The following MRTFA variants were observed in gnomAD, a reference collection of about 807,000 sequenced individuals.
MRTFA encodes the protein myocardin related transcription factor A.
Under a neutral mutation model 83.5 loss-of-function variants are expected in MRTFA, and 20 were observed. That is an observed-to-expected ratio of 0.24 (90% CI 0.17 to 0.35). MRTFA has a LOEUF of 0.35. Among genes scored for constraint, MRTFA ranks in the 10% least tolerant of loss-of-function variants. The pLI, the probability that MRTFA is intolerant of heterozygous loss-of-function variation, is 1.00. For synonymous variants in MRTFA, 659 were observed against 541.2 expected (o/e 1.22, Z -3.02); for missense variants, 1,200 against 1,224.7 (o/e 0.98, Z 0.30).
At chr22:40,465,667 C>T (rs149352552) in intron 3 of MRTFA, among the ~76,000 whole-genome samples, 2 of 152,084 alleles carry the variant, frequency 1.3e-5, no homozygotes, top group African/African-American at 4.8e-5. Flanking sequence ...CTCAACAGAT[C>T]CTCCCACCTC....
At chr22:40,507,600 G>A (rs1215602686) in intron 3 of MRTFA, among the ~76,000 whole-genome samples, 1 of 151,790 alleles carries the variant, frequency 6.6e-6, no homozygotes, top group East Asian at 1.9e-4. Flanking sequence ...CTGTGTGACA[G>A]AGCAAGGCCC....
chr22:40,502,345 G>A (rs1223865749), intron 3 of MRTFA, among the ~76,000 whole-genome samples: 3 of 117,386 alleles, frequency 2.6e-5, no homozygotes, highest in Admixed American at 7.8e-5. Flanking sequence ...CTTCTCAGAC[G>A]GGGCGGCCGG....
chr22:40,435,677 A>T, intron 4 of MRTFA, 123 bp from the exon 5 acceptor site: 1 of 1,016,052 alleles, frequency 9.8e-7, no homozygotes, highest in Non-Finnish European at 1.5e-6. Context: ...TCACGCCTGT[A>T]ATCCCAACAC....
chr22:40,531,147 GGAGTA>G (rs1175599938), intron 3 of MRTFA, among the ~76,000 whole-genome samples: 1 of 151,956 alleles, frequency 6.6e-6, no homozygotes. Flanking sequence ...CGCCCCAGTT[GGAGTA>G]GAATGGCATG....
intron 3 of MRTFA, among the ~76,000 whole-genome samples, chr22:40,501,033 A>C (rs1217119087): frequency 3.4e-4 from 31 of 90,810 alleles, no homozygotes; most frequent in East Asian, 2.2e-3. Context: ...CTGACCCCCC[A>C]ACCTCCCTCC....
At chr22:40,559,762 T>A (rs1411477722) in intron 2 of MRTFA, among the ~76,000 whole-genome samples, 1 of 152,072 alleles carries the variant, frequency 6.6e-6, no homozygotes, top group Non-Finnish European at 1.5e-5. Context: ...TATATTACAA[T>A]GCAAAAAGAA....
intron 3 of MRTFA, among the ~76,000 whole-genome samples, chr22:40,535,348 CTT>C (rs531303160): frequency 2.8e-5 from 3 of 107,114 alleles, no homozygotes; most frequent in African/African-American, 7.3e-5. Flanking sequence ...GAGGTTTTTT[CTT>C]TTTTTTTTTT....
chr22:40,470,152 AG>A (rs2053874234), intron 3 of MRTFA, among the ~76,000 whole-genome samples: 1 of 145,818 alleles, frequency 6.9e-6, no homozygotes, highest in Non-Finnish European at 1.5e-5. Flanking sequence ...TGAACCCTGG[AG>A]GTGGATGTTG....
At chr22:40,564,567 T>C (rs1259955977) in intron 2 of MRTFA, among the ~76,000 whole-genome samples, 1 of 152,192 alleles carries the variant, frequency 6.6e-6, no homozygotes, top group East Asian at 1.9e-4. Flanking sequence ...CAAATACCGC[T>C]GAGTATCTAA....
intron 4 of MRTFA, chr22:40,436,375 T>C (rs558242424): frequency 6.5e-6 from 1 of 154,540 alleles, no homozygotes; most frequent in East Asian, 1.9e-4. Context: ...CTCGGCACTA[T>C]TTCCTTCTTC....
intron 3 of MRTFA, among the ~76,000 whole-genome samples, chr22:40,539,501 G>A (rs2055251120): frequency 7.0e-6 from 1 of 142,814 alleles, no homozygotes. Flanking sequence ...ACCATGCCCG[G>A]CTAATTTTTG....
intron 1 of MRTFA, among the ~76,000 whole-genome samples, chr22:40,596,085 A>G (rs573732073): frequency 2.6e-5 from 4 of 151,708 alleles, no homozygotes; most frequent in African/African-American, 9.7e-5. Context: ...TACCCACACC[A>G]AACTTCCTCC....
intron 3 of MRTFA, among the ~76,000 whole-genome samples, chr22:40,469,881 C>A (rs777843686): frequency 4.6e-5 from 7 of 151,964 alleles, no homozygotes; most frequent in Non-Finnish European, 8.8e-5. Flanking sequence ...AGTCAGAGAC[C>A]AACCTGGGCA....
intron 4 of MRTFA, among the ~76,000 whole-genome samples, chr22:40,455,770 A>C (rs938671062): frequency 6.6e-6 from 1 of 151,532 alleles, no homozygotes; most frequent in African/African-American, 2.4e-5. Flanking sequence ...TGGGGGACAC[A>C]ACAACAACAA....
chr22:40,542,065 C>T (rs1019813816), intron 3 of MRTFA, among the ~76,000 whole-genome samples: 1 of 152,288 alleles, frequency 6.6e-6, no homozygotes, highest in African/African-American at 2.4e-5. Context: ...TGCAGTGGCA[C>T]GATCATGGCT....
chr22:40,518,486 A>G lies in MRTFA; in HGVS notation c.241+33620T>C, dbSNP rs1256626359. 2.6e-5 allele frequency among the ~76,000 whole-genome samples: 4 copies of G among 151,828 alleles called. No individual in the cohort carries two copies. The East Asian group carries it at 7.7e-4, about 29-fold the overall frequency. ...TCAGAGGTGGAGTGTTGAAAGGAGT[A>G]GTAGAGTACAGAAAAAAACAAAACA... On this transcript the variant is annotated intron_variant, in intron 3 of 14. Coordinates refer to ENST00000355630, the MANE Select transcript of MRTFA (RefSeq NM_020831.6).
At chr22:40,587,165 T>C (rs2056043441) in intron 2 of MRTFA, 5 of 461,068 alleles carry the variant, frequency 1.1e-5, no homozygotes, top group Non-Finnish European at 2.2e-5. Context: ...GTATTGATCA[T>C]CTTGTGCATG....
At chr22:40,507,944 CAGAGCAAGAG>C (rs1389539559) in intron 3 of MRTFA, among the ~76,000 whole-genome samples, 12 of 102,032 alleles carry the variant, frequency 1.2e-4, no homozygotes, top group African/African-American at 2.3e-4. Flanking sequence ...GCCTGGGAAA[CAGAGCAAGAG>C]AGAGCAAGAC....
chr22:40,555,640 A>AT (rs750134711), intron 2 of MRTFA, among the ~76,000 whole-genome samples: 18,958 of 143,666 alleles, frequency 0.13, 1,458 homozygotes, highest in East Asian at 0.26. Context: ...AGTAAGAATA[A>AT]TTTTTTTTTT....
Sources: gnomAD v4.1 joint callset for allele counts (sites outside exome capture counted in the v4.1 genomes callset) on GRCh38, gnomAD v4.1.1 for gene constraint, MANE v1.5 for transcripts, NCBI Gene and HGNC (gene_info 2026-07-23, HGNC 2026-07-21) for gene names.